ANKS1B: variants seen among roughly 807,000 people sequenced by gnomAD.
ANKS1B encodes ankyrin repeat and sterile alpha motif domain-containing protein 1B.
ANKS1B carries 36 observed loss-of-function variants against 148.3 expected under a neutral mutation model. The ratio of observed to expected loss-of-function variants is 0.24; its 90% CI spans 0.19 to 0.32. The LOEUF is 0.32. Ranked by LOEUF, ANKS1B falls within the 10% of genes least tolerant of loss-of-function variation. The pLI, the probability that ANKS1B is intolerant of heterozygous loss-of-function variation, is 1.00. For missense variants in ANKS1B, 1,157 were observed against 1,542.6 expected (o/e 0.75, Z 4.19); for synonymous variants, 542 against 560.8 (o/e 0.97, Z 0.47).
chr12:99,127,566 G>A (rs10777959), intron 15 of ANKS1B, among the ~76,000 whole-genome samples: 103,720 of 152,122 alleles, frequency 0.68, 35,682 homozygotes, highest in East Asian at 0.83. Context: ...ACCACCCTGA[G>A]AGGGTTGCCT....
chr12:99,555,058 T>C (rs1054168890), intron 9 of ANKS1B, among the ~76,000 whole-genome samples: 28 of 152,166 alleles, frequency 1.8e-4, no homozygotes, highest in African/African-American at 6.5e-4. Context: ...CAGTCTACCA[T>C]TGATAGGCAT....
chr12:99,576,219 A>G (rs1159470303), intron 9 of ANKS1B, among the ~76,000 whole-genome samples: 1 of 152,098 alleles, frequency 6.6e-6, no homozygotes, highest in African/African-American at 2.4e-5. Flanking sequence ...ATATATAGGC[A>G]CCCAACACCA....
intron 15 of ANKS1B, among the ~76,000 whole-genome samples, chr12:99,132,481 CAAAA>C (rs201298152): frequency 7.7e-6 from 1 of 129,412 alleles, no homozygotes; most frequent in African/African-American, 2.8e-5. Context: ...TCCCCGCCTT[CAAAA>C]AAAAAAAAAA....
intron 2 of ANKS1B, among the ~76,000 whole-genome samples, chr12:99,812,804 A>C (rs1440139964): frequency 6.6e-6 from 1 of 151,618 alleles, no homozygotes; most frequent in African/African-American, 2.4e-5. Flanking sequence ...CACACACACA[A>C]AAAGTTATCA....
chr12:99,100,825 T>G (rs1398303236), intron 15 of ANKS1B, among the ~76,000 whole-genome samples: 1 of 152,166 alleles, frequency 6.6e-6, no homozygotes, highest in Non-Finnish European at 1.5e-5. Context: ...CCACTGTGCC[T>G]GGTCAAAGAG....
In ANKS1B at chr12:98,997,404, ATTTTTTTTTT is replaced by A. The variant is rs34655015; in HGVS notation, c.2778+55743_2778+55752del. On this transcript the variant is annotated intron_variant, in intron 17 of 26. Coordinates refer to ENST00000683438, the MANE Select transcript of ANKS1B (RefSeq NM_001352186.2). ...AATTACCATCTTCCCAGTGTTTGCA[ATTTTTTTTTT>A]TTTTTTTTTGAGACAAGTCTTGCTG... 2.2e-3 allele frequency among the ~76,000 whole-genome samples: 302 copies of A among 138,322 alleles called. 2 individuals carry two copies. The highest frequency in any genetic ancestry group is 3.5e-3 in the South Asian group (15 of 4,312). The allele number at this position is 138,322 out of a possible 152,430, so 90.7% of individuals were successfully genotyped here.
At chr12:99,641,400 A>G (rs1304075605) in intron 9 of ANKS1B, among the ~76,000 whole-genome samples, 1 of 152,210 alleles carries the variant, frequency 6.6e-6, no homozygotes, top group African/African-American at 2.4e-5. Flanking sequence ...CTCAGAGCAG[A>G]AACCACACAT....
intron 17 of ANKS1B, among the ~76,000 whole-genome samples, chr12:98,846,086 A>C (rs1375187307): frequency 6.6e-6 from 1 of 151,422 alleles, no homozygotes; most frequent in African/African-American, 2.4e-5. Context: ...ACAGTCTTTA[A>C]TTCTTCCCTA....
chr12:99,695,740 G>T (rs60712491), intron 8 of ANKS1B, among the ~76,000 whole-genome samples: 3,837 of 152,216 alleles, frequency 0.025, 159 homozygotes, highest in African/African-American at 0.087. Context: ...GGGAGGGTTG[G>T]GGGAGACAGA....
chr12:99,490,555 T>C (rs188786205), intron 10 of ANKS1B, among the ~76,000 whole-genome samples: 16 of 152,354 alleles, frequency 1.1e-4, no homozygotes, highest in Middle Eastern at 3.4e-3. Context: ...AACCTAGTTT[T>C]CTCTTTTCCC....
chr12:99,060,504 G>GA (rs1418113415), intron 16 of ANKS1B, among the ~76,000 whole-genome samples: 3 of 151,988 alleles, frequency 2.0e-5, no homozygotes, highest in African/African-American at 7.3e-5. Context: ...AGAAATGTTT[G>GA]AAAACCACGA....
intron 9 of ANKS1B, among the ~76,000 whole-genome samples, chr12:99,517,563 CA>C (rs67889061): frequency 0.18 from 22,951 of 124,170 alleles, 1,909 homozygotes; most frequent in Middle Eastern, 0.24. Context: ...AGTAAAAATA[CA>C]AAAAAAAAAA....
intron 4 of ANKS1B, among the ~76,000 whole-genome samples, chr12:99,805,573 G>C (rs1386360250): frequency 2.0e-5 from 3 of 152,086 alleles, no homozygotes; most frequent in Non-Finnish European, 4.4e-5. Context: ...GCTGCAGTGA[G>C]CTGAGATCAC....
chr12:99,782,219 C>T (rs544042806), intron 4 of ANKS1B, 122 bp from the exon 5 acceptor site: 11 of 768,636 alleles, frequency 1.4e-5, no homozygotes, highest in Non-Finnish European at 2.3e-5. Flanking sequence ...CTCTCCCTAA[C>T]AGAAAGGTCA....
chr12:99,579,265 G>A (rs1222443830), intron 9 of ANKS1B, among the ~76,000 whole-genome samples: 5 of 151,914 alleles, frequency 3.3e-5, no homozygotes, highest in Admixed American at 6.6e-5. Context: ...AACCTGGGAC[G>A]TATCATTTTG....
chr12:98,886,656 C>T (rs1359548900), intron 17 of ANKS1B, among the ~76,000 whole-genome samples: 1 of 152,100 alleles, frequency 6.6e-6, no homozygotes, highest in Non-Finnish European at 1.5e-5. Flanking sequence ...CTCCACATAT[C>T]TTAGCTATGT....
rs142953063 is a variant in ANKS1B, at chr12:99,008,938, G to A, written c.2778+44219C>T. Among the ~76,000 whole-genome samples, 12 of 152,288 alleles carry A rather than the reference G, an allele frequency of 7.9e-5. No homozygotes were observed. In the East Asian group the frequency reaches 1.9e-3, roughly 24 times the overall value. On this transcript the variant is annotated intron_variant, in intron 17 of 26. Transcript: ENST00000683438. ...GTGAGAGTTAGCTTCAGGGAAGATG[G>A]TGGAGAAGAATGTTTGCTAGTATCT...
chr12:99,292,860 G>A (rs2080222439), intron 12 of ANKS1B, among the ~76,000 whole-genome samples: 2 of 152,290 alleles, frequency 1.3e-5, no homozygotes, highest in East Asian at 1.9e-4. Flanking sequence ...AACAGATGCT[G>A]GAGAGGATGT....
rs966586236 is a variant in ANKS1B at position 99,528,329 on chromosome 12, T to C, written c.1273-23688A>G. On this transcript the variant is annotated intron_variant, in intron 9 of 26. Transcript: ENST00000683438. ...ATAGAACTAGACAAAGATTTCCTGA[T>C]GAAGATGCCAAAAACAATTGCAACA... is the stretch of plus-strand genomic sequence containing the variant. Among the ~76,000 whole-genome samples the C allele has an allele frequency of 2.6e-5, 4 of 151,104 alleles. No individual in the cohort carries two copies. The East Asian group carries it at 7.8e-4, about 29-fold the overall frequency.
Sources: allele counts gnomAD v4.1 joint callset (sites outside exome capture counted in the v4.1 genomes callset), GRCh38; gene constraint gnomAD v4.1.1; transcripts MANE v1.5; gene names NCBI Gene and HGNC (gene_info 2026-07-23, HGNC 2026-07-21).